GRID1: variants seen among roughly 807,000 people sequenced by gnomAD.
GRID1 encodes the protein glutamate receptor ionotropic, delta-1.
In GRID1, 28 loss-of-function variants were observed where a neutral mutation model predicts 98.0. The observed-to-expected ratio is 0.29, with a 90% CI of 0.21 to 0.39. GRID1 has a LOEUF of 0.39. GRID1 is among the 10% of genes least tolerant of loss of function. The probability of loss-of-function intolerance (pLI) is 1.00; values close to 1 mark genes in which losing one functional copy is unlikely to be tolerated. For missense variants in GRID1, 1,111 were observed against 1,340.5 expected, an observed-to-expected ratio of 0.83 and a Z score of 2.67; for synonymous variants, 553 against 538.5, an observed-to-expected ratio of 1.03 and a Z score of -0.37.
chr10:85,940,046 G>A lies in GRID1; in HGVS notation c.727-23807C>T, dbSNP rs373709566. 3.6e-5 allele frequency among the ~76,000 whole-genome samples: 5 copies of A among 139,602 alleles called. No homozygotes were observed. In the East Asian group the frequency reaches 6.3e-4, roughly 18 times the overall value. 91.6% of individuals were successfully genotyped at this position (139,602 alleles called of 152,430 possible). A position where few individuals can be genotyped will look rare whatever the true frequency, so the allele number is the denominator to read the frequency against. ...TGCACCACTGCACTGCAGCCTGGGC[G>A]ACACAGTGAGACTCCCTCTCAAAAA... On this transcript the variant is annotated intron_variant, in intron 4 of 15. Transcript: ENST00000327946.
intron 8 of GRID1, among the ~76,000 whole-genome samples, chr10:85,801,213 TTC>T (rs942109836): frequency 6.6e-6 from 1 of 151,904 alleles, no homozygotes; most frequent in Non-Finnish European, 1.5e-5. Flanking sequence ...AACATGAAAA[TTC>T]TGTTAGCTTT....
At chr10:85,823,036 C>T (rs1186941831) in intron 8 of GRID1, among the ~76,000 whole-genome samples, 1 of 152,086 alleles carries the variant, frequency 6.6e-6, no homozygotes, top group Admixed American at 6.6e-5. Flanking sequence ...CAGGGCCTGT[C>T]ATGAGTTGCG....
At chr10:86,067,085 T>C (rs1439808484) in intron 4 of GRID1, among the ~76,000 whole-genome samples, 3 of 152,222 alleles carry the variant, frequency 2.0e-5, no homozygotes, top group Non-Finnish European at 4.4e-5. Context: ...GAACAACTAA[T>C]GAGGCACGCA....
chr10:86,330,814 G>A (rs1025904608), intron 2 of GRID1, among the ~76,000 whole-genome samples: 13 of 152,232 alleles, frequency 8.5e-5, no homozygotes, highest in Admixed American at 2.6e-4. Flanking sequence ...GAAGCCCGCT[G>A]CACATGGGCA....
intron 3 of GRID1, among the ~76,000 whole-genome samples, chr10:86,180,704 G>A (rs958391878): frequency 2.0e-5 from 3 of 152,148 alleles, no homozygotes; most frequent in South Asian, 2.1e-4. Context: ...GGAACAAGGC[G>A]CTGCCTGCAG....
At chr10:86,308,930 T>A (rs1055602335) in intron 2 of GRID1, among the ~76,000 whole-genome samples, 2 of 152,224 alleles carry the variant, frequency 1.3e-5, no homozygotes, top group African/African-American at 4.8e-5. Flanking sequence ...CGCCTTTTAA[T>A]GGTCTCACTT....
At chr10:85,980,683 C>T (rs1338349140) in intron 4 of GRID1, among the ~76,000 whole-genome samples, 1 of 152,146 alleles carries the variant, frequency 6.6e-6, no homozygotes, top group African/African-American at 2.4e-5. Context: ...ATAAAGAAAA[C>T]AGCAAAGAGT....
chr10:85,841,699 C>G (rs1364717076), intron 8 of GRID1, among the ~76,000 whole-genome samples: 1 of 151,840 alleles, frequency 6.6e-6, no homozygotes, highest in African/African-American at 2.4e-5. Flanking sequence ...AGAAGACATA[C>G]AGGTAGCCAA....
intron 2 of GRID1, among the ~76,000 whole-genome samples, chr10:86,300,560 G>A (rs1847670159): frequency 3.0e-5 from 3 of 99,524 alleles, no homozygotes; most frequent in Non-Finnish European, 5.9e-5. Flanking sequence ...GGAGGGGAGG[G>A]AAAAAACAAA....
chr10:85,867,117 T>C (rs1843228517), intron 6 of GRID1, among the ~76,000 whole-genome samples: 2 of 152,142 alleles, frequency 1.3e-5, no homozygotes, highest in African/African-American at 4.8e-5. Flanking sequence ...GAAAAGACTT[T>C]TTGCATCCAA....
intron 12 of GRID1, among the ~76,000 whole-genome samples, chr10:85,720,876 A>T (rs938048425): frequency 5.3e-5 from 8 of 152,198 alleles, no homozygotes; most frequent in Admixed American, 2.6e-4. Flanking sequence ...ACCTCATCAA[A>T]ATTAAAACCT....
chr10:86,241,823 G>C (rs1458441793), intron 2 of GRID1, among the ~76,000 whole-genome samples: 1 of 152,158 alleles, frequency 6.6e-6, no homozygotes, highest in Non-Finnish European at 1.5e-5. Context: ...TGCCTGGATG[G>C]AGCAGAAGAC....
Position 85,647,206 on chromosome 10 carries a change from C to T in GRID1, c.2189G>A (p.Arg730Lys), listed in dbSNP as rs1326953303. The T allele has an allele frequency of 6.2e-7, 1 of 1,613,988 alleles. No homozygotes were observed. Among genetic ancestry groups the T allele is most frequent in the Non-Finnish European group, 8.5e-7 (1 of 1,179,792 alleles). The change falls in exon 13 of 16, where the codon AGG becomes AAG. Residue 730 changes from arginine to lysine, a missense_variant. Arg to Lys is a conservative substitution (Grantham distance 26). Around this residue, in one of 3 missense-constraint regions of GRID1, gnomAD observed 762 missense variants for 869.1 expected, o/e 0.88. Coordinates refer to ENST00000327946, the MANE Select transcript of GRID1 (RefSeq NM_017551.3). ...NCVSSPSEGI[R>K]KAKKGNYAFL... ...CAAGCGCCAGCTCCTGCCTACCTTC[C>T]TGATGCCTTCTGAAGGACTGGACAC...
At chr10:86,276,352 G>A (rs1053253828) in intron 2 of GRID1, among the ~76,000 whole-genome samples, 1 of 152,020 alleles carries the variant, frequency 6.6e-6, no homozygotes, top group African/African-American at 2.4e-5. Flanking sequence ...TTGGATTAGG[G>A]CCCACCCTAA....
intron 12 of GRID1, among the ~76,000 whole-genome samples, chr10:85,682,526 T>G (rs1306540743): frequency 1.3e-5 from 2 of 152,242 alleles, no homozygotes; most frequent in Admixed American, 6.5e-5. Flanking sequence ...CAATGTGATG[T>G]CACTGAATTG....
At chr10:86,185,103 T>C (rs1445237538) in intron 3 of GRID1, among the ~76,000 whole-genome samples, 1 of 152,138 alleles carries the variant, frequency 6.6e-6, no homozygotes, top group African/African-American at 2.4e-5. Flanking sequence ...TAATGAGTCT[T>C]CCAATCCATG....
chr10:85,937,228 C>T (rs144490161), intron 4 of GRID1, among the ~76,000 whole-genome samples: 33 of 152,262 alleles, frequency 2.2e-4, no homozygotes, highest in African/African-American at 7.9e-4. Context: ...TAAAGAAGAG[C>T]AAAGATGCTA....
At chr10:85,903,331 C>T (rs1022206722) in intron 5 of GRID1, among the ~76,000 whole-genome samples, 1 of 152,270 alleles carries the variant, frequency 6.6e-6, no homozygotes, top group Non-Finnish European at 1.5e-5. Context: ...TAGAATCATA[C>T]TTGATGTTTC....
intron 8 of GRID1, among the ~76,000 whole-genome samples, chr10:85,836,557 A>G (rs1178458299): frequency 6.6e-6 from 1 of 152,174 alleles, no homozygotes; most frequent in Non-Finnish European, 1.5e-5. Context: ...ACCATCACGG[A>G]CACTTGAGAT....
Sources: allele counts gnomAD v4.1 joint callset (sites outside exome capture counted in the v4.1 genomes callset), GRCh38; gene constraint gnomAD v4.1.1; regional missense constraint gnomAD v4.1.1; transcripts MANE v1.5; gene names NCBI Gene and HGNC (gene_info 2026-07-23, HGNC 2026-07-21).